Variants in CRABP2 observed in about 807,000 individuals in gnomAD.
CRABP2 encodes the protein cellular retinoic acid-binding protein 2.
CRABP2 carries 20 observed loss-of-function variants against 17.9 expected under a neutral mutation model. That is an observed-to-expected ratio of 1.12 (90% CI 0.79 to 1.63). CRABP2 has a LOEUF of 1.63. Ranked by LOEUF, CRABP2 falls within the 40% of genes most tolerant of loss-of-function variation. The probability of loss-of-function intolerance (pLI) is 0.00; values close to 1 mark genes in which losing one functional copy is unlikely to be tolerated. For synonymous variants in CRABP2, 76 were observed against 66.4 expected, an observed-to-expected ratio of 1.14 and a Z score of -0.70; for missense variants, 151 against 168.6, an observed-to-expected ratio of 0.90 and a Z score of 0.58.
Position 156,701,637 on chromosome 1 carries a change from C to T in CRABP2, c.71-585G>A, listed in dbSNP as rs537973492. Reference sequence around the variant, plus strand: ...GGTCTTCATTTGCCCAATTTCTGCCCCACAGCAATGAAAGAGAGCAGGGGC... The same window carrying T: ...GGTCTTCATTTGCCCAATTTCTGCCTCACAGCAATGAAAGAGAGCAGGGGC... On this transcript the variant is annotated intron_variant, in intron 1 of 3. Transcript: ENST00000368222. Among the ~76,000 whole-genome samples, 3 of 152,176 alleles carry T rather than the reference C, an allele frequency of 2.0e-5. No individual in the cohort carries two copies. In the South Asian group the frequency reaches 6.2e-4, roughly 32 times the overall value.
chr1:156,705,351 A>G lies in CRABP2; in HGVS notation c.70+26T>C. On this transcript the variant is annotated intron_variant, in intron 1 of 3. Transcript: ENST00000368222. The surrounding 1 kb of genome is among the most constrained non-coding windows in gnomAD (Gnocchi z 5.2). Reference sequence around the variant, plus strand: ...GGACTCCAGAGCCCCCCCTTGCCCCACCTGGGCCCTCGAACATTTCCTTAC... The same window carrying G: ...GGACTCCAGAGCCCCCCCTTGCCCCGCCTGGGCCCTCGAACATTTCCTTAC... 6.2e-7 allele frequency: 1 copy of G among 1,613,508 alleles called. No individual in the cohort carries two copies. Among genetic ancestry groups the G allele is most frequent in the Non-Finnish European group, 8.5e-7 (1 of 1,179,542 alleles).
At chr1:156,700,447 T>C in intron 3 of CRABP2, 95 bp downstream of exon 3, 1 of 965,452 alleles carries the variant, frequency 1.0e-6, no homozygotes, top group Non-Finnish European at 1.7e-6. Context: ...AGTCCAGCCA[T>C]GGTTGTTCTT....
At chr1:156,701,160 G>T in intron 1 of CRABP2, 108 bp from the exon 2 acceptor site, 6 of 1,259,808 alleles carry the variant, frequency 4.8e-6, no homozygotes, top group Non-Finnish European at 6.6e-6. Context: ...GCTTGGGGTG[G>T]GTGTGTTGGG....
chr1:156,700,080 G>C lies in CRABP2; in HGVS notation c.367-4C>G. 6.2e-7 allele frequency: 1 copy of C among 1,613,324 alleles called. No individual in the cohort carries two copies. The highest frequency in any genetic ancestry group is 1.1e-5 in the South Asian group (1 of 90,884). On this transcript the variant is annotated splice_polypyrimidine_tract_variant and splice_region_variant and intron_variant, in intron 3 of 3. Coordinates refer to ENST00000368222, the MANE Select transcript of CRABP2 (RefSeq NM_001878.4). ...CAACGTCATCCGCCGTCATGGTCTG[G>C]AAGGACAGAAGTAGTTGTTAGCCTG... is the stretch of plus-strand genomic sequence containing the variant.
At chr1:156,702,567 G>T (rs1169124677) in intron 1 of CRABP2, among the ~76,000 whole-genome samples, 2 of 152,118 alleles carry the variant, frequency 1.3e-5, no homozygotes, top group Non-Finnish European at 2.9e-5. Flanking sequence ...GAGGTTGGGA[G>T]TTTGAGACCA....
Sources: gnomAD v4.1 joint callset for allele counts (sites outside exome capture counted in the v4.1 genomes callset) on GRCh38, gnomAD v4.1.1 for gene constraint, Gnocchi (gnomAD v3.1) non-coding constraint, MANE v1.5 for transcripts, NCBI Gene and HGNC (gene_info 2026-07-23, HGNC 2026-07-21) for gene names.